The following THAP6 variants were observed in gnomAD, a reference collection of about 807,000 sequenced individuals.
THAP6 encodes the protein THAP domain containing 6, also known as THAP domain-containing protein 6.
THAP6 carries 13 observed loss-of-function variants against 20.0 expected under a neutral mutation model. That is an observed-to-expected ratio of 0.65 (90% CI 0.42 to 1.03). The LOEUF is 1.03. THAP6 is among the 50% of genes least tolerant of loss of function. The pLI, the probability that THAP6 is intolerant of heterozygous loss-of-function variation, is 0.00. For synonymous variants in THAP6, 93 were observed against 92.2 expected (o/e 1.01, Z -0.05); for missense variants, 262 against 261.6 (o/e 1.00, Z -0.01).
Position 75,529,161 on chromosome 4 carries a change from T to C in THAP6, c.*1947T>C. 1.0e-6 allele frequency: 1 copy of C among 983,356 alleles called. No individual in the cohort carries two copies. The highest frequency in any genetic ancestry group is 1.2e-6 in the Non-Finnish European group (1 of 828,040). 60.9% of individuals were successfully genotyped at this position (983,356 alleles called of 1,614,324 possible). A position where few individuals can be genotyped will look rare whatever the true frequency, so the allele number is the denominator to read the frequency against. On this transcript the variant is annotated 3_prime_UTR_variant, in exon 5 of 5. Transcript: ENST00000311638. ...AAAGTTTGGGTATGATCTTAGGTTTTATGGAGATGTTTTCAATAGAGATTA... is the reference window on the plus strand; with the variant it reads ...AAAGTTTGGGTATGATCTTAGGTTTCATGGAGATGTTTTCAATAGAGATTA...
At chr4:75,521,913 C>G in intron 4 of THAP6, 52 bp downstream of exon 4, 1 of 1,607,164 alleles carries the variant, frequency 6.2e-7, no homozygotes, top group Non-Finnish European at 8.5e-7. Flanking sequence ...ATGAATATGT[C>G]CTCTCCATTA....
Position 75,516,963 on chromosome 4 carries a change from C to G in THAP6, c.272C>G (p.Ser91Cys), listed in dbSNP as rs1485344051. 1.9e-6 allele frequency: 3 copies of G among 1,609,148 alleles called. No homozygotes were observed. The highest frequency in any genetic ancestry group is 2.5e-6 in the Non-Finnish European group (3 of 1,176,756). The change falls in exon 3 of 5, where the codon TCT (serine) becomes TGT (cysteine). Residue 91 changes from serine (S) to cysteine (C), a missense_variant. Coordinates refer to ENST00000311638, the MANE Select transcript of THAP6 (RefSeq NM_144721.6). The stretch of plus-strand genomic sequence containing the variant: ...GGAGTCATACCTTCTATCTTTGATT[C>G]TCCATATCACCTACAGGTTTGTTTA... ...KPGVIPSIFD[S>C]PYHLQGKREK...
In THAP6 at chr4:75,543,778, GCT is replaced by G. The variant is rs528376820; in HGVS notation, c.243+1295_243+1296del. Among the ~76,000 whole-genome samples, 9 of 152,342 alleles carry G rather than the reference GCT, an allele frequency of 5.9e-5. No homozygotes were observed. In the South Asian group the frequency reaches 1.9e-3, roughly 32 times the overall value. On this transcript the variant is annotated intron_variant, in intron 3 of 4. Coordinates refer to the THAP6 transcript ENST00000502620. ...GGAGCAGAGAGAAGAGAGTAGGCTG[GCT>G]CTGTAGTGGTAGAGCATAGCTGCAG...
intron 4 of THAP6, 137 bp from the exon 5 acceptor site, chr4:75,526,823 G>T: frequency 7.7e-7 from 1 of 1,306,962 alleles, no homozygotes; most frequent in Non-Finnish European, 1.0e-6. Context: ...TCTTCTTCCT[G>T]TGTTCCTTAA....
rs17000609 is a variant in THAP6, at chr4:75,527,608, T to G, written c.*394T>G. ...TTACATGTGCTTTATGGTAAGTACATTGAATTTTACTTTAAATGCATTTTA... is the reference window on the plus strand; with the variant it reads ...TTACATGTGCTTTATGGTAAGTACAGTGAATTTTACTTTAAATGCATTTTA... On this transcript the variant is annotated 3_prime_UTR_variant, in exon 5 of 5. Transcript: ENST00000311638. The G allele has an allele frequency of 6.9e-6, 7 of 1,007,850 alleles. No homozygotes were observed. The African/African-American group carries it at 1.2e-4, about 17-fold the overall frequency. The allele number at this position is 1,007,850 out of a possible 1,614,324, so 62.4% of individuals were successfully genotyped here.
rs1465783866 is a variant in THAP6, at chr4:75,516,781, A to G, written c.90A>G (p.Thr30=). ...TGTATTTTTTTTCTAGATTCCCCAC[A>G]GATGAAAACATCAAAAGGAAATGGG... The part of the protein sequence containing the change: ...LKGLTFHVFP[T]DENIKRKWVL... Residue 30 remains threonine (T), a synonymous_variant, in exon 3 of 5, where the codon ACA becomes ACG. Transcript: ENST00000311638. The G allele has an allele frequency of 6.2e-7, 1 of 1,613,138 alleles. No homozygotes were observed. Among genetic ancestry groups the G allele is most frequent in the Admixed American group, 1.7e-5 (1 of 59,858 alleles).
intron 4 of THAP6, 122 bp from the exon 5 acceptor site, chr4:75,526,838 C>G (rs1482372747): frequency 7.1e-7 from 1 of 1,416,886 alleles, no homozygotes; most frequent in Non-Finnish European, 9.4e-7. Context: ...CCTTAAACCT[C>G]TATCACCAAC....
chr4:75,532,842 G>C (rs1213096812), downstream of THAP6, among the ~76,000 whole-genome samples: 1 of 152,140 alleles, frequency 6.6e-6, no homozygotes, highest in African/African-American at 2.4e-5. Context: ...AGGGCACCAA[G>C]TCCCTGGGCT....
In THAP6 at chr4:75,527,225, T is replaced by C. The variant is rs1348068681; in HGVS notation, c.*11T>C. Reference sequence around the variant, plus strand: ...GACTATATTTCATGAAATAATTTCATGTTACGTTCCACCTAAAATTGTCAT... The same window carrying C: ...GACTATATTTCATGAAATAATTTCACGTTACGTTCCACCTAAAATTGTCAT... On this transcript the variant is annotated 3_prime_UTR_variant, in exon 5 of 5. Transcript: ENST00000311638. 2 of 1,592,792 alleles carry C rather than the reference T, an allele frequency of 1.3e-6. No individual in the cohort carries two copies. Among genetic ancestry groups the C allele is most frequent in the Non-Finnish European group, 1.7e-6 (2 of 1,166,548 alleles).
At chr4:75,531,101 G>T (rs1383148477), downstream of THAP6, among the ~76,000 whole-genome samples, 1 of 152,210 alleles carries the variant, frequency 6.6e-6, no homozygotes, top group Non-Finnish European at 1.5e-5. Context: ...TGGAAATTTG[G>T]ATTCCACCAT....
intron 4 of THAP6, among the ~76,000 whole-genome samples, chr4:75,523,186 C>T (rs899622657): frequency 6.6e-6 from 1 of 152,186 alleles, no homozygotes; most frequent in Admixed American, 6.5e-5. Flanking sequence ...ATTTGCATTT[C>T]TCTGATGATC....
At chr4:75,514,056 G>A, upstream of THAP6, 1 of 1,354,642 alleles carries the variant, frequency 7.4e-7, no homozygotes, top group Non-Finnish European at 9.9e-7. Context: ...TTCTCCTCAA[G>A]AAGAACCCAG....
intron 3 of THAP6, among the ~76,000 whole-genome samples, chr4:75,543,471 C>G (rs1727058301): frequency 6.6e-6 from 1 of 152,226 alleles, no homozygotes; most frequent in South Asian, 2.1e-4. Flanking sequence ...CTCACAACTT[C>G]AAGTCCAAAG....
At chr4:75,534,202 A>G (rs1049315017), downstream of THAP6, among the ~76,000 whole-genome samples, 5 of 152,182 alleles carry the variant, frequency 3.3e-5, no homozygotes, top group African/African-American at 1.2e-4. Context: ...GCTATTGTGA[A>G]TAGTGCTGCA....
Position 75,527,554 on chromosome 4 carries a change from G to T in THAP6, c.*340G>T. ...GTAGAAGGAATTGGACACTTCTCCA[G>T]ATATTTGGCTTCAAAGGAGTACCTT... On this transcript the variant is annotated 3_prime_UTR_variant, in exon 5 of 5. Coordinates refer to ENST00000311638, the MANE Select transcript of THAP6 (RefSeq NM_144721.6). 9.4e-7 allele frequency: 1 copy of T among 1,061,262 alleles called. No individual in the cohort carries two copies. The highest frequency in any genetic ancestry group is 4.8e-5 in the Admixed American group (1 of 20,710). The allele number at this position is 1,061,262 out of a possible 1,614,324, so 65.7% of individuals were successfully genotyped here.
In THAP6 at chr4:75,516,849, G is replaced by A; in HGVS notation, c.158G>A (p.Trp53Ter). ...CTTGATGTGAATGCAGCCGGCATTT[G>A]GGAGCCTAAAAAAGGAGATGTGTTG... ...KRLDVNAAGI[W>*]EPKKGDVLCS... is the part of the protein sequence containing the mutation. The change falls in exon 3 of 5, where the codon TGG (tryptophan) becomes TAG (stop). Residue 53 changes from tryptophan to a stop codon, truncating the protein, a stop_gained. Transcript: ENST00000311638. LOFTEE classifies it high-confidence loss of function. 5.6e-6 allele frequency: 9 copies of A among 1,613,998 alleles called. No homozygotes were observed. Among genetic ancestry groups the A allele is most frequent in the Non-Finnish European group, 7.6e-6 (9 of 1,179,988 alleles).
rs988701808 is a variant in THAP6 at position 75,527,563 on chromosome 4, C to T, written c.*349C>T. 13 of 1,054,624 alleles carry T rather than the reference C, an allele frequency of 1.2e-5. No homozygotes were observed. Among genetic ancestry groups the T allele is most frequent in the Non-Finnish European group, 1.4e-5 (12 of 872,450 alleles). The allele number at this position is 1,054,624 out of a possible 1,614,324, so 65.3% of individuals were successfully genotyped here. On this transcript the variant is annotated 3_prime_UTR_variant, in exon 5 of 5. Transcript: ENST00000311638. ...ATTGGACACTTCTCCAGATATTTGG[C>T]TTCAAAGGAGTACCTTTACTTACAT...
At chr4:75,540,202 A>G (rs1448269598) in intron 2 of THAP6, among the ~76,000 whole-genome samples, 2 of 152,226 alleles carry the variant, frequency 1.3e-5, no homozygotes, top group East Asian at 3.8e-4. Flanking sequence ...TATACAAATC[A>G]AGGCACTTGG....
At chr4:75,523,291 G>T (rs185313199) in intron 4 of THAP6, among the ~76,000 whole-genome samples, 1 of 152,038 alleles carries the variant, frequency 6.6e-6, no homozygotes, top group East Asian at 1.9e-4. Context: ...GTATTTAATC[G>T]AATTTTTAGA....
Sources: gnomAD v4.1 joint callset for allele counts (sites outside exome capture counted in the v4.1 genomes callset) on GRCh38, gnomAD v4.1.1 for gene constraint, MANE v1.5 for transcripts, NCBI Gene and HGNC (gene_info 2026-07-23, HGNC 2026-07-21) for gene names.